EFCAB5: variants seen among roughly 807,000 people sequenced by gnomAD.
The protein encoded by EFCAB5 is EF-hand calcium-binding domain-containing protein 5.
EFCAB5 carries 131 observed loss-of-function variants against 167.9 expected under a neutral mutation model. The observed-to-expected ratio is 0.78, with a 90% CI of 0.68 to 0.90. The LOEUF (loss-of-function observed/expected upper bound fraction) is 0.90. Ranked by LOEUF, EFCAB5 falls within the 40% of genes least tolerant of loss-of-function variation. The pLI, the probability that EFCAB5 is intolerant of heterozygous loss-of-function variation, is 0.00. For synonymous variants in EFCAB5, 574 were observed against 602.8 expected (o/e 0.95, Z 0.70); for missense variants, 1,663 against 1,745.2 (o/e 0.95, Z 0.84).
chr17:29,952,322 G>T lies in EFCAB5; in HGVS notation c.190+8673G>T, dbSNP rs145762787. 3.9e-4 allele frequency among the ~76,000 whole-genome samples: 60 copies of T among 152,250 alleles called. 1 individual carries two copies. The highest frequency in any genetic ancestry group is 1.4e-3 in the African/African-American group (59 of 41,552). On this transcript the variant is annotated intron_variant, in intron 3 of 22. Transcript: ENST00000394835. ...CCACCTTTTAATACTATCACATTGGGTCTTAGGTTCCAACATATGAATTTT... is the reference window on the plus strand; with the variant it reads ...CCACCTTTTAATACTATCACATTGGTTCTTAGGTTCCAACATATGAATTTT...
intron 7 of EFCAB5, among the ~76,000 whole-genome samples, chr17:30,015,628 T>G (rs1258942746): frequency 1.3e-5 from 2 of 152,236 alleles, no homozygotes; most frequent in Non-Finnish European, 2.9e-5. Flanking sequence ...TATTCTCTGT[T>G]TTGTTTTTTA....
At chr17:29,974,887 T>C (rs1314650362) in intron 4 of EFCAB5, among the ~76,000 whole-genome samples, 1 of 152,080 alleles carries the variant, frequency 6.6e-6, no homozygotes, top group Admixed American at 6.6e-5. Context: ...TTATTCATCT[T>C]TTGATTTTAA....
intron 14 of EFCAB5, among the ~76,000 whole-genome samples, chr17:30,067,954 A>C (rs1039657086): frequency 1.3e-5 from 2 of 152,230 alleles, no homozygotes; most frequent in Admixed American, 6.5e-5. Flanking sequence ...GCTCCACCAA[A>C]AAATTATTAA....
chr17:30,018,554 C>T (rs2151700677), intron 7 of EFCAB5, among the ~76,000 whole-genome samples: 1 of 151,910 alleles, frequency 6.6e-6, no homozygotes, highest in East Asian at 1.9e-4. Flanking sequence ...ACTAAATATC[C>T]TTATGTAGGA....
intron 19 of EFCAB5, 56 bp from the exon 20 acceptor site, chr17:30,090,365 A>G (rs958092684): frequency 3.2e-6 from 5 of 1,574,942 alleles, no homozygotes; most frequent in Non-Finnish European, 4.3e-6. Context: ...TTTTGGTGGA[A>G]TGATGTGAAC....
chr17:30,092,198 C>A (rs376791045), intron 21 of EFCAB5, 41 bp downstream of exon 21: 1 of 1,556,208 alleles, frequency 6.4e-7, no homozygotes, highest in South Asian at 1.2e-5. Flanking sequence ...ATTGAAGAAT[C>A]GCCTAAACAA....
chr17:30,055,826 T>C, intron 10 of EFCAB5, 62 bp from the exon 11 acceptor site: 1 of 1,555,946 alleles, frequency 6.4e-7, no homozygotes, highest in Non-Finnish European at 8.7e-7. Context: ...CTTATTAACC[T>C]TAAAATAGCT....
At chr17:30,032,640 C>A (rs2069508221) in intron 7 of EFCAB5, among the ~76,000 whole-genome samples, 1 of 152,164 alleles carries the variant, frequency 6.6e-6, no homozygotes, top group South Asian at 2.1e-4. Flanking sequence ...AGTTTCCCAA[C>A]ATAATTTAGT....
intron 14 of EFCAB5, among the ~76,000 whole-genome samples, chr17:30,061,595 A>G (rs2070427727): frequency 6.6e-6 from 1 of 152,082 alleles, no homozygotes. Flanking sequence ...TTTTTTTTAG[A>G]GACAAGGTCT....
chr17:29,942,328 T>C, intron 2 of EFCAB5, 26 bp downstream of exon 2: 1 of 1,541,272 alleles, frequency 6.5e-7, no homozygotes, highest in South Asian at 1.3e-5. Flanking sequence ...ATAAATCAGA[T>C]ATTAATGCTG....
chr17:30,057,619 T>C, intron 12 of EFCAB5, 57 bp from the exon 13 acceptor site: 5 of 1,472,702 alleles, frequency 3.4e-6, no homozygotes, highest in Non-Finnish European at 4.7e-6. Flanking sequence ...CTCATTTATT[T>C]TCCCTAACTG....
intron 3 of EFCAB5, among the ~76,000 whole-genome samples, chr17:29,958,442 A>G (rs2067660107): frequency 6.6e-6 from 1 of 152,126 alleles, no homozygotes; most frequent in Non-Finnish European, 1.5e-5. Context: ...TACATTCTTC[A>G]GTACATTAAT....
chr17:29,998,374 C>T (rs1304353977), intron 6 of EFCAB5, among the ~76,000 whole-genome samples: 3 of 152,210 alleles, frequency 2.0e-5, no homozygotes, highest in Non-Finnish European at 2.9e-5. Context: ...TCTCCTCTCA[C>T]CTCCTATACT....
intron 22 of EFCAB5, among the ~76,000 whole-genome samples, chr17:30,105,366 A>G (rs555704441): frequency 6.6e-6 from 1 of 152,296 alleles, no homozygotes; most frequent in South Asian, 2.1e-4. Flanking sequence ...GGGCGTCTGT[A>G]ATCCCAGCTA....
intron 8 of EFCAB5, among the ~76,000 whole-genome samples, chr17:30,048,491 CT>C (rs748404709): frequency 1.3e-3 from 191 of 142,692 alleles, no homozygotes; most frequent in Middle Eastern, 3.7e-3. Flanking sequence ...GAGGATACTT[CT>C]TTTTTTTTTT....
chr17:29,978,977 T>C (rs986045220), intron 4 of EFCAB5, among the ~76,000 whole-genome samples: 1 of 152,118 alleles, frequency 6.6e-6, no homozygotes, highest in Non-Finnish European at 1.5e-5. Context: ...GTGGGGAGTA[T>C]GCTTACTCTG....
chr17:30,048,282 G>T (rs2069983082), intron 8 of EFCAB5, among the ~76,000 whole-genome samples: 1 of 151,810 alleles, frequency 6.6e-6, no homozygotes, highest in African/African-American at 2.4e-5. Flanking sequence ...GACTATTATG[G>T]TAGGAAGGAC....
chr17:30,057,311 A>G (rs995820152), intron 12 of EFCAB5, among the ~76,000 whole-genome samples: 2 of 152,210 alleles, frequency 1.3e-5, no homozygotes, highest in East Asian at 3.8e-4. Context: ...CTTATACTCT[A>G]CTAGTTCAGC....
intron 3 of EFCAB5, among the ~76,000 whole-genome samples, chr17:29,944,531 G>T (rs1180109529): frequency 6.6e-6 from 1 of 151,912 alleles, no homozygotes; most frequent in African/African-American, 2.4e-5. Context: ...ATAATAAAAT[G>T]AAGAACTCCA....
Sources: gnomAD v4.1 joint callset for allele counts (sites outside exome capture counted in the v4.1 genomes callset) on GRCh38, gnomAD v4.1.1 for gene constraint, MANE v1.5 for transcripts, NCBI Gene and HGNC (gene_info 2026-07-23, HGNC 2026-07-21) for gene names.